ERCC6L2: variants seen among roughly 807,000 people sequenced by gnomAD.
ERCC6L2 encodes the protein ERCC excision repair 6 like 2.
ERCC6L2 carries 77 observed loss-of-function variants against 132.0 expected under a neutral mutation model. That is an observed-to-expected ratio of 0.58 (90% CI 0.49 to 0.71). The LOEUF (loss-of-function observed/expected upper bound fraction) is 0.71, where lower values mean the gene tolerates loss of function less well. ERCC6L2 is among the 30% of genes least tolerant of loss of function. ERCC6L2 has a pLI of 0.00. For missense variants in ERCC6L2, 1,542 were observed against 1,837.6 expected, an observed-to-expected ratio of 0.84 and a Z score of 2.94; for synonymous variants, 583 against 632.4, an observed-to-expected ratio of 0.92 and a Z score of 1.17.
At chr9:96,026,808 A>AC (rs746418603) in intron 19 of ERCC6L2, among the ~76,000 whole-genome samples, 4,573 of 136,760 alleles carry the variant, frequency 0.033, 100 homozygotes, top group East Asian at 0.13. Flanking sequence ...CACATACCAC[A>AC]ACACACACCA....
rs1831582193 is a variant in ERCC6L2, at chr9:95,956,011, C to T, written c.1945C>T (p.Gln649Ter). ...CATGTATTTACGACAGATATACAAGCAGGTAAATATGTTTCCCTTTTTCTG... is the reference window on the plus strand; with the variant it reads ...CATGTATTTACGACAGATATACAAGTAGGTAAATATGTTTCCCTTTTTCTG... Reference protein sequence around the residue: ...EIMYLRQIYKQQLHCVVVGSE... With the variant: ...EIMYLRQIYK The change falls in exon 13 of 19, where the codon CAG (glutamine) becomes TAG (stop). Residue 649 changes from glutamine to a stop codon, truncating the protein, a stop_gained and splice_region_variant. Transcript: ENST00000653738. LOFTEE classifies it high-confidence loss of function. 1 of 1,563,124 alleles carries T rather than the reference C, an allele frequency of 6.4e-7. No homozygotes were observed. Among genetic ancestry groups the T allele is most frequent in the Admixed American group, 1.9e-5 (1 of 53,754 alleles).
At chr9:95,887,236 G>A (rs1206181376) in intron 2 of ERCC6L2, among the ~76,000 whole-genome samples, 1 of 152,104 alleles carries the variant, frequency 6.6e-6, no homozygotes, top group East Asian at 1.9e-4. Context: ...TGTCAAAGAA[G>A]ACTCCACAGG....
At chr9:95,937,402 T>G (rs766616797) in intron 11 of ERCC6L2, among the ~76,000 whole-genome samples, 1 of 152,142 alleles carries the variant, frequency 6.6e-6, no homozygotes, top group Non-Finnish European at 1.5e-5. Context: ...TTCATGTGCT[T>G]CTTGTATAAA....
At chr9:95,933,296 A>G (rs1830419519) in intron 11 of ERCC6L2, among the ~76,000 whole-genome samples, 1 of 151,998 alleles carries the variant, frequency 6.6e-6, no homozygotes, top group African/African-American at 2.4e-5. Context: ...CATTTTTTTA[A>G]TCCTTTCTAA....
chr9:95,985,537 G>A (rs115372552), intron 17 of ERCC6L2, among the ~76,000 whole-genome samples: 413 of 152,282 alleles, frequency 2.7e-3, no homozygotes, highest in African/African-American at 9.7e-3. Flanking sequence ...CATAATGCTG[G>A]TATAGGAAAT....
chr9:95,895,137 C>A (rs1342061846), intron 2 of ERCC6L2, among the ~76,000 whole-genome samples: 1 of 152,066 alleles, frequency 6.6e-6, no homozygotes, highest in Non-Finnish European at 1.5e-5. Flanking sequence ...ATTTAGACTT[C>A]TTAAAATTTC....
At chr9:96,027,270 G>A (rs1240162982) in intron 19 of ERCC6L2, among the ~76,000 whole-genome samples, 1 of 152,148 alleles carries the variant, frequency 6.6e-6, no homozygotes, top group African/African-American at 2.4e-5. Flanking sequence ...TGTGGTGTGT[G>A]CTCTAGTTCC....
At chr9:95,910,322 A>G (rs1478078014) in intron 4 of ERCC6L2, among the ~76,000 whole-genome samples, 1 of 152,174 alleles carries the variant, frequency 6.6e-6, no homozygotes, top group Non-Finnish European at 1.5e-5. Context: ...TTTAAAAAAT[A>G]TACCTATTTA....
intron 11 of ERCC6L2, among the ~76,000 whole-genome samples, chr9:95,934,683 A>G (rs1444137876): frequency 4.6e-5 from 7 of 152,260 alleles, no homozygotes; most frequent in Middle Eastern, 3.4e-3. Flanking sequence ...CAAACCCTAT[A>G]ATTTGAAATA....
chr9:96,010,656 C>T (rs62559766), intron 18 of ERCC6L2, among the ~76,000 whole-genome samples: 16,098 of 152,134 alleles, frequency 0.11, 935 homozygotes, highest in Admixed American at 0.14. Context: ...CCTTTCTATC[C>T]ACCTTGCCTA....
intron 3 of ERCC6L2, among the ~76,000 whole-genome samples, chr9:95,899,188 G>T (rs1017915468): frequency 6.6e-6 from 1 of 152,114 alleles, no homozygotes; most frequent in Non-Finnish European, 1.5e-5. Flanking sequence ...AGTGATTCAT[G>T]CCTGTAATCC....
intron 11 of ERCC6L2, 93 bp from the exon 12 acceptor site, chr9:95,941,361 G>C (rs1363387964): frequency 1.2e-6 from 1 of 817,672 alleles, no homozygotes; most frequent in African/African-American, 1.7e-5. Context: ...ATATCGTACT[G>C]TTTTGGCTAT....
chr9:96,000,112 C>T (rs1469178039), intron 17 of ERCC6L2, among the ~76,000 whole-genome samples: 1 of 152,142 alleles, frequency 6.6e-6, no homozygotes, highest in Non-Finnish European at 1.5e-5. Context: ...TGGTCTCGAT[C>T]TCCTGACCTC....
At chr9:95,940,114 TC>T (rs1232621315) in intron 11 of ERCC6L2, among the ~76,000 whole-genome samples, 3 of 152,102 alleles carry the variant, frequency 2.0e-5, no homozygotes, top group African/African-American at 7.2e-5. Flanking sequence ...CACTCAGTCT[TC>T]TCTGACACCA....
At chr9:95,893,346 T>C (rs896731727) in intron 2 of ERCC6L2, among the ~76,000 whole-genome samples, 1 of 152,232 alleles carries the variant, frequency 6.6e-6, no homozygotes. Flanking sequence ...TTCTGTGTTC[T>C]GTGTGCTAAT....
At chr9:95,973,406 C>A (rs1245583164) in intron 16 of ERCC6L2, among the ~76,000 whole-genome samples, 1 of 152,066 alleles carries the variant, frequency 6.6e-6, no homozygotes. Flanking sequence ...AAATGTGCAT[C>A]CCCAGGTGAA....
At chr9:95,907,339 T>TTG in intron 4 of ERCC6L2, 68 bp downstream of exon 4, 1 of 296,190 alleles carries the variant, frequency 3.4e-6, no homozygotes, top group Non-Finnish European at 4.6e-6. Flanking sequence ...ATATTAAGAG[T>TTG]TTTTTTTTTT....
At chr9:95,948,713 C>T (rs1831179983) in intron 12 of ERCC6L2, among the ~76,000 whole-genome samples, 1 of 151,026 alleles carries the variant, frequency 6.6e-6, no homozygotes, top group Non-Finnish European at 1.5e-5. Flanking sequence ...TGAAGGTCTT[C>T]CTTACCAGTT....
intron 19 of ERCC6L2, among the ~76,000 whole-genome samples, chr9:96,029,087 A>G (rs142495337): frequency 0.02 from 2,976 of 151,966 alleles, 98 homozygotes; most frequent in African/African-American, 0.065. Context: ...GGCGGATCAC[A>G]AGGTCAGGAG....
Sources: allele counts gnomAD v4.1 joint callset (sites outside exome capture counted in the v4.1 genomes callset), GRCh38; gene constraint gnomAD v4.1.1; transcripts MANE v1.5; gene names NCBI Gene and HGNC (gene_info 2026-07-23, HGNC 2026-07-21).